SUSD6: variants seen among roughly 807,000 people sequenced by gnomAD.
SUSD6 encodes sushi domain-containing protein 6.
Under a neutral mutation model 28.4 loss-of-function variants are expected in SUSD6, and 16 were observed. The observed-to-expected ratio is 0.56, with a 90% CI of 0.38 to 0.86. The LOEUF is 0.86. SUSD6 is among the 40% of genes least tolerant of loss of function. The probability of loss-of-function intolerance (pLI) is 0.00; values close to 1 mark genes in which losing one functional copy is unlikely to be tolerated. For missense variants in SUSD6, 341 were observed against 384.2 expected (o/e 0.89, Z 0.94); for synonymous variants, 147 against 159.6 (o/e 0.92, Z 0.59).
At chr14:69,628,288 C>T (rs899663978) in intron 1 of SUSD6, among the ~76,000 whole-genome samples, 3 of 152,168 alleles carry the variant, frequency 2.0e-5, no homozygotes, top group Admixed American at 1.3e-4. Context: ...TCTCTCACCA[C>T]GTGGGTCATT....
chr14:69,703,120 TTA>T (rs1297458095), intron 2 of SUSD6, among the ~76,000 whole-genome samples: 6 of 152,126 alleles, frequency 3.9e-5, no homozygotes, highest in African/African-American at 1.4e-4. Context: ...GTTCAAGACT[TTA>T]GAGTCTGCCG....
chr14:69,703,205 C>T (rs746892207), intron 2 of SUSD6, among the ~76,000 whole-genome samples, 190 bp from the exon 3 acceptor site: 2 of 152,210 alleles, frequency 1.3e-5, no homozygotes, highest in Non-Finnish European at 2.9e-5. Flanking sequence ...GCCACTTCCC[C>T]TGTTGCCAGT....
chr14:69,676,434 G>A (rs1310806432), intron 2 of SUSD6, among the ~76,000 whole-genome samples: 1 of 151,326 alleles, frequency 6.6e-6, no homozygotes, highest in Non-Finnish European at 1.5e-5. Context: ...AGATTGGAGT[G>A]TGGTGGGTAA....
chr14:69,669,288 T>A (rs941846484), intron 2 of SUSD6, among the ~76,000 whole-genome samples: 1 of 152,074 alleles, frequency 6.6e-6, no homozygotes, highest in African/African-American at 2.4e-5. Flanking sequence ...GGTCTCGATC[T>A]CTTGACCTCG....
chr14:69,635,005 A>G (rs1047632243), intron 1 of SUSD6, among the ~76,000 whole-genome samples: 3 of 152,230 alleles, frequency 2.0e-5, no homozygotes, highest in Non-Finnish European at 4.4e-5. Flanking sequence ...ATAATGGCTT[A>G]AGTTTATTTA....
chr14:69,620,871 G>A (rs980454432), intron 1 of SUSD6, among the ~76,000 whole-genome samples: 5 of 152,134 alleles, frequency 3.3e-5, no homozygotes, highest in Non-Finnish European at 7.4e-5. Flanking sequence ...ATGAGAAACT[G>A]GGAGAAGGGG....
intron 2 of SUSD6, among the ~76,000 whole-genome samples, chr14:69,685,611 C>T (rs912668219): frequency 6.8e-4 from 104 of 152,250 alleles, no homozygotes; most frequent in African/African-American, 2.0e-3. Flanking sequence ...TTTGGAGCCT[C>T]GATACTTTCC....
At chr14:69,655,368 T>C (rs1200243867) in intron 1 of SUSD6, among the ~76,000 whole-genome samples, 6 of 152,208 alleles carry the variant, frequency 3.9e-5, no homozygotes, top group African/African-American at 1.4e-4. Context: ...TTACAAACAA[T>C]ACATGAATAT....
At chr14:69,636,892 G>T (rs1885273629) in intron 1 of SUSD6, among the ~76,000 whole-genome samples, 1 of 152,214 alleles carries the variant, frequency 6.6e-6, no homozygotes, top group East Asian at 1.9e-4. Flanking sequence ...GGAGAATGGG[G>T]TTCTGGTTCA....
At chr14:69,651,512 G>C (rs1254111566) in intron 1 of SUSD6, among the ~76,000 whole-genome samples, 2 of 152,198 alleles carry the variant, frequency 1.3e-5, no homozygotes, top group African/African-American at 4.8e-5. Context: ...AGGAGCTGGA[G>C]ATTAAAGGAA....
chr14:69,628,785 A>G (rs1051223861), intron 1 of SUSD6, among the ~76,000 whole-genome samples: 3 of 140,886 alleles, frequency 2.1e-5, no homozygotes, highest in South Asian at 2.2e-4. Context: ...CAGTGGGGCT[A>G]TGTAGGCTCA....
In SUSD6 at chr14:69,679,171, C is replaced by T. The variant is rs895373103; in HGVS notation, c.121+20458C>T. ...TTGTAGATTTTTTGAACTTTTCTTA[C>T]GGCAGTGGTTTTCAAGGACCTTTGA... On this transcript the variant is annotated intron_variant, in intron 2 of 5. Coordinates refer to ENST00000342745, the MANE Select transcript of SUSD6 (RefSeq NM_014734.4). Among the ~76,000 whole-genome samples, 12 of 152,188 alleles carry T rather than the reference C, an allele frequency of 7.9e-5. No homozygotes were observed. In the East Asian group the frequency reaches 1.5e-3, roughly 20 times the overall value.
intron 2 of SUSD6, among the ~76,000 whole-genome samples, chr14:69,671,527 C>T (rs116507127): frequency 2.9e-3 from 439 of 152,272 alleles, no homozygotes; most frequent in African/African-American, 0.01. Context: ...TGATGTACCG[C>T]GTGGGGTCCC....
At chr14:69,614,342 C>T (rs764724865) in intron 1 of SUSD6, among the ~76,000 whole-genome samples, 4 of 152,296 alleles carry the variant, frequency 2.6e-5, no homozygotes, top group Admixed American at 6.5e-5. Flanking sequence ...GTTGGGATTA[C>T]GGGCGTGAGC....
chr14:69,697,952 A>G (rs945242384), intron 2 of SUSD6, among the ~76,000 whole-genome samples: 9 of 152,368 alleles, frequency 5.9e-5, no homozygotes, highest in African/African-American at 1.7e-4. Context: ...GTCCAGATCC[A>G]GACCCCAACA....
intron 1 of SUSD6, among the ~76,000 whole-genome samples, chr14:69,636,532 G>T (rs1191664648): frequency 1.3e-5 from 2 of 152,230 alleles, no homozygotes; most frequent in Non-Finnish European, 2.9e-5. Context: ...ATTTCCTTCA[G>T]CTCTTAGAAC....
At chr14:69,637,791 C>T (rs1885286588) in intron 1 of SUSD6, among the ~76,000 whole-genome samples, 1 of 152,112 alleles carries the variant, frequency 6.6e-6, no homozygotes, top group African/African-American at 2.4e-5. Flanking sequence ...CCATCTGCTG[C>T]TTGTGACAGC....
intron 2 of SUSD6, among the ~76,000 whole-genome samples, chr14:69,694,576 G>A (rs79453928): frequency 0.032 from 4,846 of 152,288 alleles, 100 homozygotes; most frequent in Middle Eastern, 0.065. Context: ...TTCAGTTCAG[G>A]GTTTCTAGGC....
chr14:69,625,708 G>A (rs544919725), intron 1 of SUSD6, among the ~76,000 whole-genome samples: 228 of 152,280 alleles, frequency 1.5e-3, no homozygotes, highest in African/African-American at 5.4e-3. Flanking sequence ...TGATCAAAAG[G>A]AGAGGCTTGT....
Sources: allele counts gnomAD v4.1 joint callset (sites outside exome capture counted in the v4.1 genomes callset), GRCh38; gene constraint gnomAD v4.1.1; transcripts MANE v1.5; gene names NCBI Gene and HGNC (gene_info 2026-07-23, HGNC 2026-07-21).